SLIT2: variants seen among roughly 807,000 people sequenced by gnomAD.
SLIT2 encodes slit guidance ligand 2, also known as slit homolog 2 protein.
In SLIT2, 41 loss-of-function variants were observed where a neutral mutation model predicts 185.7. The ratio of observed to expected loss-of-function variants is 0.22; its 90% CI spans 0.17 to 0.29. The LOEUF (loss-of-function observed/expected upper bound fraction) is 0.29, where lower values mean the gene tolerates loss of function less well. Among genes scored for constraint, SLIT2 ranks in the 10% least tolerant of loss-of-function variants. SLIT2 has a pLI of 1.00. For missense variants in SLIT2, 1,571 were observed against 1,909.0 expected, an observed-to-expected ratio of 0.82 and a Z score of 3.30; for synonymous variants, 693 against 680.2, an observed-to-expected ratio of 1.02 and a Z score of -0.29.
At chr4:20,531,498 T>C (rs547226058) in intron 16 of SLIT2, among the ~76,000 whole-genome samples, 1 of 152,266 alleles carries the variant, frequency 6.6e-6, no homozygotes, top group East Asian at 1.9e-4. Context: ...GTAGTAAGTA[T>C]GGGGTTTCTT....
chr4:20,353,818 C>G (rs188420395), intron 4 of SLIT2, among the ~76,000 whole-genome samples: 1 of 152,084 alleles, frequency 6.6e-6, no homozygotes, highest in African/African-American at 2.4e-5. Context: ...GAAACTAGAA[C>G]CAGATTTCTT....
At chr4:20,467,258 C>CT (rs1460272001) in intron 4 of SLIT2, among the ~76,000 whole-genome samples, 1 of 152,092 alleles carries the variant, frequency 6.6e-6, no homozygotes, top group Non-Finnish European at 1.5e-5. Context: ...TTCAAGATTA[C>CT]TAGAAGTGCT....
At chr4:20,520,373 T>G (rs1720735201) in intron 12 of SLIT2, among the ~76,000 whole-genome samples, 1 of 152,226 alleles carries the variant, frequency 6.6e-6, no homozygotes, top group Non-Finnish European at 1.5e-5. Flanking sequence ...TGGTTAATCA[T>G]CAAATTCTAT....
chr4:20,487,738 G>T (rs1717381717), intron 7 of SLIT2, among the ~76,000 whole-genome samples: 1 of 152,138 alleles, frequency 6.6e-6, no homozygotes, highest in South Asian at 2.1e-4. Context: ...AAAACATTGT[G>T]TTCCTTATCT....
At chr4:20,600,138 G>A (rs1234189648) in intron 33 of SLIT2, among the ~76,000 whole-genome samples, 1 of 151,890 alleles carries the variant, frequency 6.6e-6, no homozygotes, top group Non-Finnish European at 1.5e-5. Context: ...GAAATTTGTG[G>A]TTCATTTTTT....
In SLIT2 at chr4:20,253,522, CCT is replaced by C. The variant is rs1340351685; in HGVS notation, c.-290_-289del. On this transcript the variant is annotated 5_prime_UTR_variant, in exon 1 of 37. Coordinates refer to ENST00000504154, the MANE Select transcript of SLIT2 (RefSeq NM_004787.4). ...TTGGGAGACAGAAGACGCGTGATCTCCTCTCCGCTGCTCTTGGGGTCTCCTTG... is the reference window on the plus strand; with the variant it reads ...TTGGGAGACAGAAGACGCGTGATCTCCTCCGCTGCTCTTGGGGTCTCCTTG... 2.2e-6 allele frequency: 1 copy of C among 458,708 alleles called. No individual in the cohort carries two copies. The highest frequency in any genetic ancestry group is 2.0e-5 in the African/African-American group (1 of 50,778). 28.4% of individuals were successfully genotyped at this position (458,708 alleles called of 1,614,324 possible). A position where few individuals can be genotyped will look rare whatever the true frequency, so the allele number is the denominator to read the frequency against.
chr4:20,253,852 C>T lies in SLIT2; in HGVS notation c.37C>T (p.Leu13=), dbSNP rs756750978. 3.7e-6 allele frequency: 6 copies of T among 1,600,380 alleles called. No homozygotes were observed. The East Asian group carries it at 1.1e-4, about 30-fold the overall frequency. The part of the protein sequence containing the change: ...GVGWQMLSLS[L]GLVLAILNKV... ...TGGCTGGCAGATGCTGTCCCTGTCG[C>T]TGGGGTTAGTGCTGGCGATCCTGAA... Residue 13 remains leucine (L), a synonymous_variant, in exon 1 of 37, where the codon CTG becomes TTG. Coordinates refer to ENST00000504154, the MANE Select transcript of SLIT2 (RefSeq NM_004787.4).
At chr4:20,268,931 T>C (rs1713313494) in intron 4 of SLIT2, 50 bp downstream of exon 4, 1 of 1,073,730 alleles carries the variant, frequency 9.3e-7, no homozygotes. Context: ...CCTTGTGTTT[T>C]ATTAAATGTA....
At chr4:20,506,435 A>G (rs564651926) in intron 9 of SLIT2, among the ~76,000 whole-genome samples, 13 of 152,022 alleles carry the variant, frequency 8.6e-5, no homozygotes, top group Non-Finnish European at 1.9e-4. Context: ...TGCACTCTAT[A>G]AAATTCAGCA....
chr4:20,400,177 T>A (rs1246337682), intron 4 of SLIT2, among the ~76,000 whole-genome samples: 2 of 151,828 alleles, frequency 1.3e-5, no homozygotes, highest in Non-Finnish European at 2.9e-5. Flanking sequence ...TTAATGAGCA[T>A]ATGTATAAAT....
chr4:20,549,511 A>G (rs892415590), intron 24 of SLIT2, among the ~76,000 whole-genome samples: 1 of 152,040 alleles, frequency 6.6e-6, no homozygotes, highest in African/African-American at 2.4e-5. Flanking sequence ...GTCCTTTAAA[A>G]TATGTGAAAT....
rs1193232670 is a variant in SLIT2 at position 20,569,018 on chromosome 4, G to A, written c.3088+14G>A. ...CTGAGTATACAGGTACAAATAATAG[G>A]AAATATTTTGCCTTCCATCAGTATA... On this transcript the variant is annotated intron_variant, in intron 29 of 36. Transcript: ENST00000504154. 2 of 1,609,400 alleles carry A rather than the reference G, an allele frequency of 1.2e-6. No individual in the cohort carries two copies.
At chr4:20,525,554 C>G (rs1026720417) in intron 15 of SLIT2, among the ~76,000 whole-genome samples, 2 of 152,074 alleles carry the variant, frequency 1.3e-5, no homozygotes, top group African/African-American at 4.8e-5. Flanking sequence ...AGACAGAGAT[C>G]TTTCTGATGT....
At chr4:20,260,060 T>C (rs1416015637) in intron 3 of SLIT2, among the ~76,000 whole-genome samples, 3 of 151,876 alleles carry the variant, frequency 2.0e-5, no homozygotes, top group Non-Finnish European at 4.4e-5. Context: ...GCAGGTTTGC[T>C]AAGGAATGCA....
chr4:20,546,911 C>T (rs1041460174), intron 22 of SLIT2, among the ~76,000 whole-genome samples: 4 of 151,908 alleles, frequency 2.6e-5, no homozygotes, highest in African/African-American at 7.2e-5. Flanking sequence ...TAGAAAGTAC[C>T]GTATCATTTG....
chr4:20,597,690 A>G (rs112411938), intron 32 of SLIT2, among the ~76,000 whole-genome samples: 2,232 of 152,268 alleles, frequency 0.015, 25 homozygotes, highest in Non-Finnish European at 0.021. Flanking sequence ...TTTTGAAGTC[A>G]GGAAGAAGAG....
intron 4 of SLIT2, among the ~76,000 whole-genome samples, chr4:20,339,717 C>A (rs976247259): frequency 6.6e-6 from 1 of 152,162 alleles, no homozygotes; most frequent in East Asian, 1.9e-4. Context: ...TAAAGACAGG[C>A]CATGTTGTGA....
chr4:20,602,769 T>C (rs1405248381), intron 33 of SLIT2, among the ~76,000 whole-genome samples: 1 of 152,204 alleles, frequency 6.6e-6, no homozygotes, highest in Non-Finnish European at 1.5e-5. Flanking sequence ...AACATCATGC[T>C]TGATGCTCAC....
intron 29 of SLIT2, among the ~76,000 whole-genome samples, chr4:20,584,735 T>C (rs1726904685): frequency 6.6e-6 from 1 of 152,282 alleles, no homozygotes; most frequent in Non-Finnish European, 1.5e-5. Flanking sequence ...TTGTGTCCCA[T>C]ATATAACCGA....
Sources: allele counts gnomAD v4.1 joint callset (sites outside exome capture counted in the v4.1 genomes callset), GRCh38; gene constraint gnomAD v4.1.1; transcripts MANE v1.5; gene names NCBI Gene and HGNC (gene_info 2026-07-23, HGNC 2026-07-21).